Variants in CDH18 observed in about 807,000 individuals in gnomAD.
CDH18 encodes the protein cadherin 18, also known as cadherin-18.
CDH18 carries 31 observed loss-of-function variants against 67.9 expected under a neutral mutation model. The observed-to-expected ratio is 0.46, with a 90% CI of 0.34 to 0.62. The LOEUF (loss-of-function observed/expected upper bound fraction) is 0.62. CDH18 is among the 20% of genes least tolerant of loss of function. The pLI is 0.01. For synonymous variants in CDH18, 362 were observed against 347.2 expected, an observed-to-expected ratio of 1.04 and a Z score of -0.48; for missense variants, 890 against 975.5, an observed-to-expected ratio of 0.91 and a Z score of 1.17.
chr5:19,574,453 T>C (rs893069548), intron 7 of CDH18, among the ~76,000 whole-genome samples: 2 of 152,144 alleles, frequency 1.3e-5, no homozygotes, highest in Non-Finnish European at 2.9e-5. Flanking sequence ...ACTGGAAATA[T>C]TTTAACAACC....
chr5:20,054,350 C>T (rs562126342), intron 2 of CDH18, among the ~76,000 whole-genome samples: 4 of 152,168 alleles, frequency 2.6e-5, no homozygotes, highest in South Asian at 2.1e-4. Context: ...CATTCATGTG[C>T]CATTATTATC....
chr5:19,571,644 G>C lies in CDH18; in HGVS notation c.1188C>G (p.Ala396=). The change falls in exon 8 of 13, where the codon GCC becomes GCG. Residue 396 remains alanine (A), a synonymous_variant. Coordinates refer to ENST00000382275, the MANE Select transcript of CDH18 (RefSeq NM_004934.5). ...PSYLMEVYEN[A]KIGTVVGTVL... ...CTGTACCAACGACGGTCCCAATCTT[G>C]GCATTTTCGTAGACTTCCATGAGGT... 6.2e-7 allele frequency: 1 copy of C among 1,613,844 alleles called. No individual in the cohort carries two copies. Among genetic ancestry groups the C allele is most frequent in the Non-Finnish European group, 8.5e-7 (1 of 1,179,848 alleles).
intron 2 of CDH18, among the ~76,000 whole-genome samples, chr5:20,080,417 T>C (rs1744349303): frequency 1.3e-5 from 2 of 152,182 alleles, no homozygotes; most frequent in African/African-American, 4.8e-5. Flanking sequence ...CCTTGGATGA[T>C]ATACAAGTAT....
chr5:19,819,088 T>C (rs1310463042), intron 3 of CDH18, among the ~76,000 whole-genome samples: 2 of 151,892 alleles, frequency 1.3e-5, no homozygotes, highest in Non-Finnish European at 2.9e-5. Flanking sequence ...TATGTGTTTA[T>C]ACCTCTGTAT....
chr5:19,523,431 C>T (rs1029595177), intron 9 of CDH18, among the ~76,000 whole-genome samples: 4 of 151,830 alleles, frequency 2.6e-5, no homozygotes, highest in East Asian at 1.9e-4. Context: ...TTGTGGCACA[C>T]GTAACTGACA....
intron 1 of CDH18, among the ~76,000 whole-genome samples, chr5:20,457,803 G>A (rs1225818477): frequency 6.6e-6 from 1 of 152,128 alleles, no homozygotes; most frequent in Non-Finnish European, 1.5e-5. Flanking sequence ...AAAACTGGAG[G>A]GGGAAGCTTG....
intron 1 of CDH18, among the ~76,000 whole-genome samples, chr5:20,403,035 T>C (rs1375676136): frequency 5.2e-4 from 58 of 112,546 alleles, no homozygotes; most frequent in Middle Eastern, 0.01. Context: ...AAAAAAAAAA[T>C]AGCGAGGTGT....
chr5:19,877,076 C>T (rs1787093315), intron 2 of CDH18, among the ~76,000 whole-genome samples: 1 of 152,136 alleles, frequency 6.6e-6, no homozygotes, highest in Non-Finnish European at 1.5e-5. Flanking sequence ...CAAAGACCCT[C>T]ACCATGCACA....
intron 1 of CDH18, among the ~76,000 whole-genome samples, chr5:20,410,355 A>G (rs897596960): frequency 6.6e-6 from 1 of 151,890 alleles, no homozygotes; most frequent in African/African-American, 2.4e-5. Flanking sequence ...AGTCTAATAG[A>G]CTACATTAAC....
Position 20,227,753 on chromosome 5 carries a change from G to T in CDH18, c.-518+27691C>A, listed in dbSNP as rs548019297. Among the ~76,000 whole-genome samples, 19 of 152,136 alleles carry T rather than the reference G, an allele frequency of 1.2e-4. 2 individuals carry two copies. The East Asian group carries it at 1.4e-3, about 11-fold the overall frequency. The stretch of plus-strand genomic sequence containing the variant: ...TCCTAATACCTCAGCCTCCCAGAGT[G>T]CTGGGATTACAGGGATGAGCCACCA... On this transcript the variant is annotated intron_variant, in intron 2 of 14. Transcript: ENST00000507958.
chr5:20,341,762 T>C (rs764264540), intron 1 of CDH18, among the ~76,000 whole-genome samples: 2 of 152,006 alleles, frequency 1.3e-5, no homozygotes, highest in Admixed American at 1.3e-4. Flanking sequence ...AGGACTCTAC[T>C]TCTAGTAGTA....
At chr5:19,563,230 A>G (rs985069814) in intron 8 of CDH18, among the ~76,000 whole-genome samples, 3 of 152,230 alleles carry the variant, frequency 2.0e-5, no homozygotes, top group African/African-American at 4.8e-5. Flanking sequence ...CTACAAAAAG[A>G]AAGTTTTCAG....
intron 6 of CDH18, among the ~76,000 whole-genome samples, chr5:19,605,778 G>A (rs1213987824): frequency 1.3e-5 from 2 of 152,096 alleles, no homozygotes. Context: ...AATATGTAGT[G>A]CTGGTTGAAA....
intron 2 of CDH18, among the ~76,000 whole-genome samples, chr5:20,037,874 A>T (rs1411265113): frequency 3.3e-5 from 5 of 151,700 alleles, no homozygotes; most frequent in African/African-American, 1.2e-4. Context: ...TGAAGGAGAC[A>T]GAGACACAAA....
chr5:20,105,596 C>G (rs187283257), intron 2 of CDH18, among the ~76,000 whole-genome samples: 10 of 152,258 alleles, frequency 6.6e-5, no homozygotes, highest in Non-Finnish European at 1.2e-4. Flanking sequence ...TATAAACCAC[C>G]CATAACTTCT....
In CDH18 at chr5:20,305,304, G is replaced by T. The variant is rs1736322550; in HGVS notation, c.-579-49799C>A. ...TAAAGCCTCCTCTACTGTCAGATTCGAATCCAACATTTCTGCGCTTTGCTT... is the reference window on the plus strand; with the variant it reads ...TAAAGCCTCCTCTACTGTCAGATTCTAATCCAACATTTCTGCGCTTTGCTT... On this transcript the variant is annotated intron_variant, in intron 1 of 14. Transcript: ENST00000507958. The T allele has an allele frequency of 1.6e-5, 24 of 1,547,720 alleles. No homozygotes were observed. In the South Asian group the frequency reaches 2.7e-4, roughly 17 times the overall value.
At chr5:19,521,050 G>A in intron 9 of CDH18, among the ~76,000 whole-genome samples, 1 of 152,170 alleles carries the variant, frequency 6.6e-6, no homozygotes. Context: ...GTGGGAGAAA[G>A]TTGTCAGAAT....
chr5:20,451,337 T>A (rs565254651), intron 1 of CDH18, among the ~76,000 whole-genome samples: 1 of 152,256 alleles, frequency 6.6e-6, no homozygotes, highest in East Asian at 1.9e-4. Context: ...TTCTAAGTTA[T>A]GTCCAGTCAA....
intron 1 of CDH18, among the ~76,000 whole-genome samples, chr5:20,566,481 T>C (rs1758514821): frequency 6.8e-6 from 1 of 148,014 alleles, no homozygotes; most frequent in Non-Finnish European, 1.5e-5. Context: ...TGTCTCAGCC[T>C]CCCAAGTAGC....
Sources: allele counts gnomAD v4.1 joint callset (sites outside exome capture counted in the v4.1 genomes callset), GRCh38; gene constraint gnomAD v4.1.1; transcripts MANE v1.5; gene names NCBI Gene and HGNC (gene_info 2026-07-23, HGNC 2026-07-21).